INPP4B: variants seen among roughly 807,000 people sequenced by gnomAD.
INPP4B encodes inositol polyphosphate 4-phosphatase type II.
In INPP4B, 55 loss-of-function variants were observed where a neutral mutation model predicts 122.5. The ratio of observed to expected loss-of-function variants is 0.45; its 90% CI spans 0.36 to 0.56. INPP4B has a LOEUF of 0.56. Among genes scored for constraint, INPP4B ranks in the 20% least tolerant of loss-of-function variants. The pLI is 0.00. For synonymous variants in INPP4B, 403 were observed against 388.7 expected (o/e 1.04, Z -0.43); for missense variants, 1,000 against 1,097.7 (o/e 0.91, Z 1.26).
intron 2 of INPP4B, among the ~76,000 whole-genome samples, chr4:142,492,857 A>G (rs559026532): frequency 6.6e-6 from 1 of 152,330 alleles, no homozygotes; most frequent in South Asian, 2.1e-4. Flanking sequence ...TTAATCACCA[A>G]GACAATGAGG....
intron 1 of INPP4B, chr4:142,767,770 G>A (rs937925685): frequency 1.3e-5 from 2 of 152,186 alleles, no homozygotes; most frequent in African/African-American, 4.8e-5. Context: ...ACTTCCAAGA[G>A]TGTACAGAAT....
chr4:142,038,885 G>A (rs1057422657), intron 25 of INPP4B, among the ~76,000 whole-genome samples: 2 of 152,204 alleles, frequency 1.3e-5, no homozygotes, highest in African/African-American at 4.8e-5. Flanking sequence ...GCAAGCAGTC[G>A]TACTGGTTGG....
chr4:142,162,658 A>G (rs950300898), intron 16 of INPP4B, among the ~76,000 whole-genome samples: 2 of 151,924 alleles, frequency 1.3e-5, no homozygotes, highest in African/African-American at 4.8e-5. Context: ...AGCACTTGTA[A>G]TCACTATCAA....
intron 7 of INPP4B, among the ~76,000 whole-genome samples, chr4:142,380,438 C>A (rs1419444921): frequency 6.6e-6 from 1 of 152,122 alleles, no homozygotes. Flanking sequence ...CAGTATTTCT[C>A]CAGGCTATCA....
chr4:142,212,578 C>T (rs565876619), intron 12 of INPP4B, among the ~76,000 whole-genome samples: 3 of 152,250 alleles, frequency 2.0e-5, no homozygotes, highest in South Asian at 2.1e-4. Flanking sequence ...TGGTGGTGAG[C>T]ATGGATATCT....
chr4:142,372,948 C>G (rs918512615), intron 7 of INPP4B, among the ~76,000 whole-genome samples: 1 of 152,014 alleles, frequency 6.6e-6, no homozygotes, highest in African/African-American at 2.4e-5. Flanking sequence ...GACCTACCTT[C>G]TATAACTGCC....
intron 2 of INPP4B, among the ~76,000 whole-genome samples, chr4:142,530,980 C>T (rs1827540549): frequency 6.6e-6 from 1 of 151,894 alleles, no homozygotes; most frequent in African/African-American, 2.4e-5. Context: ...AGTGTTATGA[C>T]ACAGGTTATA....
At chr4:142,806,782 AG>A (rs1778837775) in intron 1 of INPP4B, among the ~76,000 whole-genome samples, 1 of 73,060 alleles carries the variant, frequency 1.4e-5, no homozygotes, top group Non-Finnish European at 3.2e-5. Context: ...AAAGAAAGAA[AG>A]AAGGAAAGAA....
At chr4:142,648,087 A>T (rs573065099) in intron 2 of INPP4B, among the ~76,000 whole-genome samples, 78 of 152,364 alleles carry the variant, frequency 5.1e-4, no homozygotes, top group African/African-American at 1.8e-3. Context: ...TCTCTTCACC[A>T]TCTCCTCCAC....
chr4:142,305,631 G>A (rs2636640), intron 8 of INPP4B, 94 bp from the exon 9 acceptor site: 1,088,423 of 1,503,190 alleles, frequency 0.72, 396,973 homozygotes, highest in Non-Finnish European at 0.74. Flanking sequence ...TTAGAAGAAT[G>A]AAATATTAAA....
intron 1 of INPP4B, among the ~76,000 whole-genome samples, chr4:142,783,707 T>C (rs949807767): frequency 6.6e-6 from 1 of 152,164 alleles, no homozygotes; most frequent in African/African-American, 2.4e-5. Flanking sequence ...GACAGAAATA[T>C]GCATTAAAAA....
intron 7 of INPP4B, among the ~76,000 whole-genome samples, chr4:142,315,444 T>C (rs1767193329): frequency 6.6e-6 from 1 of 152,064 alleles, no homozygotes; most frequent in African/African-American, 2.4e-5. Context: ...GTGTTCTAGC[T>C]GAAACACTAA....
chr4:142,105,068 T>C (rs1489713587), intron 23 of INPP4B, among the ~76,000 whole-genome samples: 1 of 152,132 alleles, frequency 6.6e-6, no homozygotes, highest in African/African-American at 2.4e-5. Flanking sequence ...GTGGCCTCTT[T>C]CTCTGTAACA....
intron 2 of INPP4B, among the ~76,000 whole-genome samples, chr4:142,688,426 C>A (rs1461478514): frequency 6.6e-6 from 1 of 152,108 alleles, no homozygotes; most frequent in Non-Finnish European, 1.5e-5. Flanking sequence ...TCCCATAATA[C>A]TTTTCTCTGG....
intron 9 of INPP4B, among the ~76,000 whole-genome samples, chr4:142,274,421 C>T (rs1294947708): frequency 6.6e-6 from 1 of 151,776 alleles, no homozygotes; most frequent in Non-Finnish European, 1.5e-5. Flanking sequence ...GTGATTTCAT[C>T]ATAGGGCATC....
intron 2 of INPP4B, chr4:142,654,810 G>A (rs186371338): frequency 3.9e-5 from 6 of 152,306 alleles, no homozygotes; most frequent in Non-Finnish European, 7.4e-5. Context: ...CAGCAAGGAG[G>A]TGGTTAAAAT....
rs374102148 is a variant in INPP4B, at chr4:142,089,281, A to G, written c.2375-3025T>C. On this transcript the variant is annotated intron_variant, in intron 23 of 25. Transcript: ENST00000262992. ...AGTCAGGCTTGTACAAATGGCTTTC[A>G]AACAGTTTTGAAAGCAATACAGAAT... Among the ~76,000 whole-genome samples the G allele has an allele frequency of 3.3e-5, 5 of 152,314 alleles. No individual in the cohort carries two copies. In the East Asian group the frequency reaches 9.6e-4, roughly 29 times the overall value.
intron 1 of INPP4B, among the ~76,000 whole-genome samples, chr4:142,800,439 C>A (rs116820251): frequency 1.6e-3 from 249 of 152,192 alleles, no homozygotes; most frequent in African/African-American, 5.9e-3. Context: ...TCTCTCCTAT[C>A]ATAATGATTT....
chr4:142,521,666 T>G (rs370822770), intron 2 of INPP4B, among the ~76,000 whole-genome samples: 1 of 152,062 alleles, frequency 6.6e-6, no homozygotes, highest in African/African-American at 2.4e-5. Flanking sequence ...AGTCTGAAAT[T>G]GGTATGTATT....
Sources: allele counts gnomAD v4.1 joint callset (sites outside exome capture counted in the v4.1 genomes callset), GRCh38; gene constraint gnomAD v4.1.1; transcripts MANE v1.5; gene names NCBI Gene and HGNC (gene_info 2026-07-23, HGNC 2026-07-21).